CAMTA1: variants seen among roughly 807,000 people sequenced by gnomAD.
CAMTA1 encodes calmodulin binding transcription activator 1, also known as calmodulin-binding transcription activator 1.
A neutral mutation model predicts 170.9 loss-of-function variants in CAMTA1; 27 were observed. The observed-to-expected ratio is 0.16, with a 90% CI of 0.12 to 0.22. CAMTA1 has a LOEUF of 0.22. CAMTA1 is among the 10% of genes least tolerant of loss of function. The pLI is 1.00. For missense variants in CAMTA1, 1,619 were observed against 2,217.2 expected, an observed-to-expected ratio of 0.73 and a Z score of 5.42; for synonymous variants, 833 against 891.5, an observed-to-expected ratio of 0.93 and a Z score of 1.17.
intron 4 of CAMTA1, among the ~76,000 whole-genome samples, chr1:7,098,336 G>A (rs943471273): frequency 2.6e-5 from 4 of 152,234 alleles, no homozygotes; most frequent in East Asian, 3.9e-4. Flanking sequence ...ACACAGAGAC[G>A]TGTCACGTTA....
chr1:7,573,852 C>T (rs2095156027), intron 6 of CAMTA1, among the ~76,000 whole-genome samples: 1 of 152,186 alleles, frequency 6.6e-6, no homozygotes, highest in African/African-American at 2.4e-5. Flanking sequence ...TGGCTCAGTA[C>T]AAGCTCTGTC....
rs539675657 is a variant in CAMTA1 at position 7,403,695 on chromosome 1, A to G, written c.439-64135A>G. ...GAAGCCGAGGACCACCACCAGCCCTATGGCTGCAGGGTCAGCACTGCACCT... is the reference window on the plus strand; with the variant it reads ...GAAGCCGAGGACCACCACCAGCCCTGTGGCTGCAGGGTCAGCACTGCACCT... On this transcript the variant is annotated intron_variant, in intron 5 of 22. Transcript: ENST00000303635. Among the ~76,000 whole-genome samples, 74 of 152,302 alleles carry G rather than the reference A, an allele frequency of 4.9e-4. 4 individuals are homozygous for G. The South Asian group carries it at 9.3e-3, about 19-fold the overall frequency.
chr1:7,104,069 CTA>C (rs1452635527), intron 4 of CAMTA1, among the ~76,000 whole-genome samples: 1 of 150,976 alleles, frequency 6.6e-6, no homozygotes, highest in Non-Finnish European at 1.5e-5. Flanking sequence ...GATGTACACA[CTA>C]CACAGATGTA....
At chr1:7,676,501 A>C (rs2096122400) in intron 10 of CAMTA1, among the ~76,000 whole-genome samples, 1 of 152,218 alleles carries the variant, frequency 6.6e-6, no homozygotes, top group African/African-American at 2.4e-5. Flanking sequence ...TCTGCATCAG[A>C]GTCCTCGGAG....
chr1:6,910,534 T>G (rs1053094703), intron 3 of CAMTA1, among the ~76,000 whole-genome samples: 8 of 152,124 alleles, frequency 5.3e-5, no homozygotes, highest in African/African-American at 1.9e-4. Context: ...GAAATGCTGG[T>G]CTTGTTTCTT....
intron 6 of CAMTA1, among the ~76,000 whole-genome samples, chr1:7,468,235 G>C (rs2093257518): frequency 6.6e-6 from 1 of 152,250 alleles, no homozygotes; most frequent in Admixed American, 6.5e-5. Flanking sequence ...TGAAATGCCT[G>C]TTGGCTGAAA....
intron 6 of CAMTA1, among the ~76,000 whole-genome samples, chr1:7,468,423 T>C (rs1438532337): frequency 6.6e-6 from 1 of 152,190 alleles, no homozygotes; most frequent in African/African-American, 2.4e-5. Context: ...TGGCTGGGCA[T>C]GCTAGCCATT....
intron 3 of CAMTA1, among the ~76,000 whole-genome samples, chr1:7,048,211 A>T (rs1166060930): frequency 1.3e-5 from 2 of 152,084 alleles, no homozygotes; most frequent in Non-Finnish European, 2.9e-5. Context: ...CTTTATTAAG[A>T]TCATTTGAAT....
intron 3 of CAMTA1, among the ~76,000 whole-genome samples, chr1:6,829,393 A>G (rs1648752941): frequency 6.6e-6 from 1 of 152,206 alleles, no homozygotes; most frequent in Admixed American, 6.5e-5. Context: ...CCCTTCTTGG[A>G]TGTTATTTGC....
chr1:7,423,010 A>G (rs1403635808), intron 5 of CAMTA1, among the ~76,000 whole-genome samples: 2 of 152,010 alleles, frequency 1.3e-5, no homozygotes, highest in East Asian at 1.9e-4. Context: ...TGTTTTGAAA[A>G]TGTTTTCTCC....
chr1:6,934,517 G>GA lies in CAMTA1; in HGVS notation c.234+109311dup. ...CCAGAACATTCCTTTGAGGAGGAGA[G>GA]AAAAGGAACTTGGCCACTGTGGACC... On this transcript the variant is annotated intron_variant, in intron 3 of 22. Transcript: ENST00000303635. The surrounding 1 kb of genome is among the most constrained non-coding windows in gnomAD (Gnocchi z 4.5). Among the ~76,000 whole-genome samples the GA allele has an allele frequency of 6.6e-6, 1 of 152,160 alleles. No homozygotes were observed. Among genetic ancestry groups the GA allele is most frequent in the African/African-American group, 2.4e-5 (1 of 41,428 alleles).
chr1:7,596,976 C>G (rs1464048605), intron 6 of CAMTA1, among the ~76,000 whole-genome samples: 1 of 152,150 alleles, frequency 6.6e-6, no homozygotes, highest in African/African-American at 2.4e-5. Flanking sequence ...AGACTGAGGA[C>G]TGGTCCAGGG....
chr1:7,520,914 A>G (rs1239176611), intron 6 of CAMTA1, among the ~76,000 whole-genome samples: 1 of 151,524 alleles, frequency 6.6e-6, no homozygotes, highest in Non-Finnish European at 1.5e-5. Context: ...AGACAGTCAC[A>G]CAAACACACA....
Position 7,736,853 on chromosome 1 carries a change from G to T in CAMTA1, c.3264-78G>T. 1 of 1,187,770 alleles carries T rather than the reference G, an allele frequency of 8.4e-7. No homozygotes were observed. The highest frequency in any genetic ancestry group is 1.2e-6 in the Non-Finnish European group (1 of 811,440). 73.6% of individuals were successfully genotyped at this position (1,187,770 alleles called of 1,614,324 possible). A position where few individuals can be genotyped will look rare whatever the true frequency, so the allele number is the denominator to read the frequency against. ...ATATACCCAGTTGGGTTTCATCTTG[G>T]TGGGGTTTTATAATATTCTGGTGTT... On this transcript the variant is annotated intron_variant, in intron 13 of 22. Transcript: ENST00000303635. This position sits in a 1 kb window ranked among gnomAD's most constrained non-coding sequence, Gnocchi z 4.5.
At chr1:7,488,210 T>C (rs2093643150) in intron 6 of CAMTA1, among the ~76,000 whole-genome samples, 1 of 152,180 alleles carries the variant, frequency 6.6e-6, no homozygotes, top group African/African-American at 2.4e-5. Context: ...CCAGGAGCTC[T>C]CAGGTGACCA....
chr1:7,719,674 C>T (rs1044478100), intron 11 of CAMTA1, among the ~76,000 whole-genome samples: 1 of 152,202 alleles, frequency 6.6e-6, no homozygotes, highest in East Asian at 1.9e-4. Flanking sequence ...CGGCCCTTAC[C>T]CTTCCCTCTG....
intron 11 of CAMTA1, among the ~76,000 whole-genome samples, chr1:7,700,423 A>AT (rs1216896527): frequency 6.6e-6 from 1 of 152,116 alleles, no homozygotes; most frequent in African/African-American, 2.4e-5. Context: ...GAATCTTATG[A>AT]TTTTTTCTTT....
rs141726397 is a variant in CAMTA1, at chr1:7,456,615, C to A, written c.439-11215C>A. ...CCGCAGATCCCAGCAGCCTGGCACA[C>A]CCAGCTCAGAGAAAGCCTGTTCTTT... On this transcript the variant is annotated intron_variant, in intron 5 of 22. Transcript: ENST00000303635. The surrounding 1 kb of genome is among the most constrained non-coding windows in gnomAD (Gnocchi z 4.9). Among the ~76,000 whole-genome samples, 87 of 152,336 alleles carry A rather than the reference C, an allele frequency of 5.7e-4. No individual in the cohort carries two copies. The highest frequency in any genetic ancestry group is 7.9e-4 in the Non-Finnish European group (54 of 68,034).
intron 3 of CAMTA1, among the ~76,000 whole-genome samples, chr1:7,089,040 G>T (rs1558080067): frequency 6.6e-6 from 1 of 152,232 alleles, no homozygotes. Context: ...TAATCCAGCA[G>T]TGGTGGCAGC....
Sources: gnomAD v4.1 joint callset for allele counts (sites outside exome capture counted in the v4.1 genomes callset) on GRCh38, gnomAD v4.1.1 for gene constraint, Gnocchi (gnomAD v3.1) non-coding constraint, MANE v1.5 for transcripts, NCBI Gene and HGNC (gene_info 2026-07-23, HGNC 2026-07-21) for gene names.